WDPCP: variants seen among roughly 807,000 people sequenced by gnomAD.
WDPCP encodes WD repeat-containing and planar cell polarity effector protein fritz homolog.
In WDPCP, 71 loss-of-function variants were observed where a neutral mutation model predicts 93.1. The observed-to-expected ratio is 0.76, with a 90% CI of 0.63 to 0.93. The LOEUF is 0.93. Among genes scored for constraint, WDPCP ranks in the 40% least tolerant of loss-of-function variants. The probability of loss-of-function intolerance (pLI) is 0.00; values close to 1 mark genes in which losing one functional copy is unlikely to be tolerated. For missense variants in WDPCP, 844 were observed against 887.4 expected (o/e 0.95, Z 0.62); for synonymous variants, 315 against 315.0 (o/e 1.00, Z 0.00).
intron 1 of WDPCP, among the ~76,000 whole-genome samples, chr2:63,814,515 T>C (rs1670904120): frequency 6.6e-6 from 1 of 152,174 alleles, no homozygotes; most frequent in South Asian, 2.1e-4. Context: ...ACTACACCAA[T>C]GCCAGAAGGC....
chr2:63,803,746 T>C (rs2104048467), intron 2 of WDPCP, among the ~76,000 whole-genome samples: 1 of 152,338 alleles, frequency 6.6e-6, no homozygotes, highest in Non-Finnish European at 1.5e-5. Context: ...CAACTAGGGC[T>C]GGCTCTCCTC....
chr2:63,653,719 G>A (rs933095640), intron 2 of WDPCP, among the ~76,000 whole-genome samples: 1 of 151,892 alleles, frequency 6.6e-6, no homozygotes, highest in Non-Finnish European at 1.5e-5. Flanking sequence ...GTGACCAGCC[G>A]GGCCAACAGG....
intron 13 of WDPCP, among the ~76,000 whole-genome samples, chr2:63,289,582 C>A (rs1684250748): frequency 6.6e-6 from 1 of 151,744 alleles, no homozygotes. Flanking sequence ...TTTTATGAAC[C>A]AGAATACAGT....
intron 13 of WDPCP, among the ~76,000 whole-genome samples, chr2:63,281,243 C>T (rs1234314687): frequency 6.6e-6 from 1 of 152,118 alleles, no homozygotes; most frequent in Admixed American, 6.5e-5. Flanking sequence ...CTTAACATCA[C>T]TAATTATCAG....
At chr2:63,327,662 T>G (rs1276497752) in intron 12 of WDPCP, among the ~76,000 whole-genome samples, 1 of 152,182 alleles carries the variant, frequency 6.6e-6, no homozygotes, top group Non-Finnish European at 1.5e-5. Context: ...AAAAGGCTTC[T>G]GAAATCAGAC....
chr2:63,340,487 C>T (rs2104451034), intron 12 of WDPCP, among the ~76,000 whole-genome samples: 1 of 152,290 alleles, frequency 6.6e-6, no homozygotes. Context: ...GATATTTCTT[C>T]ATTTAAGCAG....
chr2:63,765,069 C>A (rs1474806563), intron 2 of WDPCP, among the ~76,000 whole-genome samples: 1 of 152,128 alleles, frequency 6.6e-6, no homozygotes, highest in Non-Finnish European at 1.5e-5. Flanking sequence ...GTAAACAGGA[C>A]AGATATACTC....
chr2:63,535,520 C>T (rs7562686), intron 1 of WDPCP, among the ~76,000 whole-genome samples: 2 of 152,048 alleles, frequency 1.3e-5, no homozygotes, highest in East Asian at 1.9e-4. Context: ...GAGATATAGA[C>T]CAATGGAACA....
intron 3 of WDPCP, among the ~76,000 whole-genome samples, chr2:63,625,555 T>C (rs1315114728): frequency 6.6e-6 from 1 of 152,142 alleles, no homozygotes; most frequent in Non-Finnish European, 1.5e-5. Flanking sequence ...GAGAGCCAAA[T>C]CATGAGTGAA....
At chr2:63,837,518 G>A in the WDPCP span, among the ~76,000 whole-genome samples, 2 of 152,116 alleles carry the variant, frequency 1.3e-5, no homozygotes, top group African/African-American at 2.4e-5. Flanking sequence ...GTACATGTTC[G>A]CTCAAACTAC....
Position 63,174,753 on chromosome 2 carries a change from G to A in WDPCP, c.1995C>T (p.Asp665=), listed in dbSNP as rs771628130. Residue 665 remains aspartate, a synonymous_variant, in exon 15 of 18, where the codon GAC becomes GAT. Transcript: ENST00000272321. ...AGGGAGGGAGGTTATCTGGAAATGA[G>A]TCTTCTCCTTGAGGTGCTAAAGACA... ...IGLSLAPQGE[D]SFPDNLPPSC... 4.3e-6 allele frequency: 7 copies of A among 1,613,906 alleles called. No homozygotes were observed. The highest frequency in any genetic ancestry group is 5.9e-6 in the Non-Finnish European group (7 of 1,179,906).
At chr2:63,496,995 C>T (rs1253030644) in intron 1 of WDPCP, among the ~76,000 whole-genome samples, 2 of 150,632 alleles carry the variant, frequency 1.3e-5, no homozygotes, top group African/African-American at 4.9e-5. Context: ...ACCTGTAATC[C>T]CAGCTACTTG....
intron 2 of WDPCP, chr2:63,684,399 G>A: frequency 2.5e-6 from 2 of 809,972 alleles, no homozygotes; most frequent in Non-Finnish European, 4.3e-6. Context: ...CATTGATGAT[G>A]GCACCTCAGA....
intron 12 of WDPCP, among the ~76,000 whole-genome samples, chr2:63,373,951 T>G (rs1003628142): frequency 3.3e-5 from 5 of 152,160 alleles, no homozygotes; most frequent in Non-Finnish European, 7.4e-5. Flanking sequence ...TTATATGTTG[T>G]TATTGTCCAA....
At chr2:63,346,049 T>C (rs1321083225) in intron 12 of WDPCP, among the ~76,000 whole-genome samples, 1 of 152,104 alleles carries the variant, frequency 6.6e-6, no homozygotes, top group Non-Finnish European at 1.5e-5. Context: ...TGCTTGAACA[T>C]GGGAGCTGGA....
At chr2:63,734,022 G>C (rs1481150166) in intron 2 of WDPCP, among the ~76,000 whole-genome samples, 1 of 152,076 alleles carries the variant, frequency 6.6e-6, no homozygotes, top group Non-Finnish European at 1.5e-5. Context: ...TTTTGTGTTT[G>C]GTTTCTTTCA....
At chr2:63,628,126 G>C (rs1709829053) in intron 3 of WDPCP, among the ~76,000 whole-genome samples, 1 of 152,174 alleles carries the variant, frequency 6.6e-6, no homozygotes, top group Non-Finnish European at 1.5e-5. Flanking sequence ...AGAAAGCTGA[G>C]GCAGCCTTGT....
chr2:63,405,529 T>C (rs1694495875), intron 9 of WDPCP, among the ~76,000 whole-genome samples: 1 of 132,246 alleles, frequency 7.6e-6, no homozygotes, highest in Non-Finnish European at 1.6e-5. Flanking sequence ...CAGATTTTGG[T>C]ATAGTGTGTG....
chr2:63,710,795 T>A (rs1669250703), intron 2 of WDPCP, among the ~76,000 whole-genome samples: 1 of 152,182 alleles, frequency 6.6e-6, no homozygotes, highest in Non-Finnish European at 1.5e-5. Flanking sequence ...CAGTCATCCT[T>A]GGAAGTGGAT....
Sources: allele counts gnomAD v4.1 joint callset (sites outside exome capture counted in the v4.1 genomes callset), GRCh38; gene constraint gnomAD v4.1.1; transcripts MANE v1.5; gene names NCBI Gene and HGNC (gene_info 2026-07-23, HGNC 2026-07-21).